The following PITPNC1 variants were observed in gnomAD, a reference collection of about 807,000 sequenced individuals.
The protein encoded by PITPNC1 is phosphatidylinositol transfer protein cytoplasmic 1, also known as cytoplasmic phosphatidylinositol transfer protein 1.
PITPNC1 carries 18 observed loss-of-function variants against 44.7 expected under a neutral mutation model. The observed-to-expected ratio is 0.40, with a 90% CI of 0.28 to 0.60. The LOEUF (loss-of-function observed/expected upper bound fraction) is 0.60, where lower values mean the gene tolerates loss of function less well. Ranked by LOEUF, PITPNC1 falls within the 20% of genes least tolerant of loss-of-function variation. The pLI, the probability that PITPNC1 is intolerant of heterozygous loss-of-function variation, is 0.39. For missense variants in PITPNC1, 290 were observed against 418.4 expected (o/e 0.69, Z 2.68); for synonymous variants, 141 against 149.6 (o/e 0.94, Z 0.42).
rs184212141 is a variant in PITPNC1 at position 67,396,854 on chromosome 17, T to C, written c.48+18652T>C. ...AAAAAGTTTAGAGACAGGGTCTTGC[T>C]ATGTTGCCCAGGCTGTTTTTCAACT... On this transcript the variant is annotated intron_variant, in intron 1 of 8. Transcript: ENST00000581322. Among the ~76,000 whole-genome samples, 3 of 151,854 alleles carry C rather than the reference T, an allele frequency of 2.0e-5. No individual in the cohort carries two copies. The East Asian group carries it at 5.8e-4, about 30-fold the overall frequency.
chr17:67,624,370 C>G (rs555456918), intron 5 of PITPNC1, among the ~76,000 whole-genome samples: 1 of 152,116 alleles, frequency 6.6e-6, no homozygotes, highest in Non-Finnish European at 1.5e-5. Context: ...TGCCACCACA[C>G]CCAGCTCATT....
chr17:67,666,240 C>T (rs1041674604), intron 6 of PITPNC1, among the ~76,000 whole-genome samples: 1 of 152,238 alleles, frequency 6.6e-6, no homozygotes, highest in African/African-American at 2.4e-5. Flanking sequence ...AAGCAATCCT[C>T]CTGCCTTGGC....
chr17:67,436,868 C>G (rs2038943628), intron 1 of PITPNC1, among the ~76,000 whole-genome samples: 1 of 148,940 alleles, frequency 6.7e-6, no homozygotes, highest in African/African-American at 2.5e-5. Context: ...TCTGTGTCTG[C>G]CTGGAACCTC....
chr17:67,474,821 CT>C (rs1195307116), intron 1 of PITPNC1, among the ~76,000 whole-genome samples: 26 of 149,464 alleles, frequency 1.7e-4, no homozygotes, highest in Admixed American at 2.7e-4. Flanking sequence ...TGCCCGGCGG[CT>C]TTTTTTTTTT....
intron 1 of PITPNC1, among the ~76,000 whole-genome samples, chr17:67,514,734 G>C (rs1415331995): frequency 6.6e-6 from 1 of 152,048 alleles, no homozygotes; most frequent in East Asian, 1.9e-4. Context: ...GCTGAGGCAC[G>C]AGAATCGCTT....
At chr17:67,537,998 G>A (rs192922701) in intron 2 of PITPNC1, among the ~76,000 whole-genome samples, 1 of 151,590 alleles carries the variant, frequency 6.6e-6, no homozygotes, top group East Asian at 1.9e-4. Context: ...AAGAACTGGA[G>A]GAGATATTTG....
rs1446918696 is a variant in PITPNC1, at chr17:67,696,793, T to C, written c.*3905T>C. ...TTAGTGTAATAAGAGAATGTGAATA[T>C]GTTGGGAAATTTTCAGATGCCATTA... On this transcript the variant is annotated 3_prime_UTR_variant, in exon 9 of 9. Coordinates refer to ENST00000581322, the MANE Select transcript of PITPNC1 (RefSeq NM_012417.4). 1.3e-5 allele frequency: 2 copies of C among 152,232 alleles called. No individual in the cohort carries two copies. Among genetic ancestry groups the C allele is most frequent in the Admixed American group, 6.5e-5 (1 of 15,284 alleles). 9.4% of individuals were successfully genotyped at this position (152,232 alleles called of 1,614,324 possible). A position where few individuals can be genotyped will look rare whatever the true frequency, so the allele number is the denominator to read the frequency against.
chr17:67,504,499 G>A (rs945795388), intron 1 of PITPNC1, among the ~76,000 whole-genome samples: 1 of 152,196 alleles, frequency 6.6e-6, no homozygotes, highest in South Asian at 2.1e-4. Context: ...CTTCTGCTGT[G>A]AAAAGGTACA....
intron 1 of PITPNC1, among the ~76,000 whole-genome samples, chr17:67,419,651 A>G (rs2038640972): frequency 6.6e-6 from 1 of 152,224 alleles, no homozygotes; most frequent in African/African-American, 2.4e-5. Flanking sequence ...CAAGCGTATG[A>G]TCCCAGCACT....
chr17:67,552,415 A>T, intron 3 of PITPNC1, 70 bp downstream of exon 3: 2 of 861,452 alleles, frequency 2.3e-6, no homozygotes, highest in South Asian at 2.6e-5. Context: ...AATTTCACTG[A>T]TTTACAGTGG....
At chr17:67,566,504 G>A (rs527356704) in intron 4 of PITPNC1, among the ~76,000 whole-genome samples, 47 of 152,154 alleles carry the variant, frequency 3.1e-4, no homozygotes, top group African/African-American at 1.1e-3. Context: ...CACAGGGCCT[G>A]GACCTGTTTT....
intron 6 of PITPNC1, 168 bp downstream of exon 6, chr17:67,632,406 C>G (rs1414132137): frequency 3.3e-6 from 2 of 606,246 alleles, no homozygotes; most frequent in Non-Finnish European, 5.9e-6. Context: ...AAGTCTCTAA[C>G]TCTTCAGGGA....
intron 1 of PITPNC1, among the ~76,000 whole-genome samples, chr17:67,378,692 G>A (rs2037909779): frequency 6.6e-6 from 1 of 152,180 alleles, no homozygotes; most frequent in Non-Finnish European, 1.5e-5. Flanking sequence ...TGAGCCCTTA[G>A]GGGAGGTCCC....
intron 1 of PITPNC1, among the ~76,000 whole-genome samples, chr17:67,407,151 T>A (rs991197799): frequency 6.6e-6 from 1 of 152,182 alleles, no homozygotes; most frequent in East Asian, 1.9e-4. Flanking sequence ...GGTTCCAATT[T>A]CTCTACATCC....
intron 5 of PITPNC1, among the ~76,000 whole-genome samples, chr17:67,611,106 A>G (rs2706696): frequency 0.3 from 45,200 of 152,052 alleles, 7,245 homozygotes; most frequent in African/African-American, 0.41. Flanking sequence ...GTTCAACAAC[A>G]GCAAAAAATA....
At chr17:67,445,793 C>T (rs73338142) in intron 1 of PITPNC1, among the ~76,000 whole-genome samples, 14,984 of 151,994 alleles carry the variant, frequency 0.099, 1,279 homozygotes, top group African/African-American at 0.22. Flanking sequence ...AGAGAATTAG[C>T]GGCAATCTCA....
Position 67,645,151 on chromosome 17 carries a change from A to G in PITPNC1, c.462+12913A>G, listed in dbSNP as rs151317981. 6.1e-3 allele frequency among the ~76,000 whole-genome samples: 933 copies of G among 151,954 alleles called. 8 individuals are homozygous for G. Among genetic ancestry groups the G allele is most frequent in the African/African-American group, 0.022 (892 of 41,440 alleles). Reference sequence around the variant, plus strand: ...AGGTCGGGAGTTTGAGACCAGCCTGACCAACACGGAGAAACCGCATCTCTA... The same window carrying G: ...AGGTCGGGAGTTTGAGACCAGCCTGGCCAACACGGAGAAACCGCATCTCTA... On this transcript the variant is annotated intron_variant, in intron 6 of 8. Transcript: ENST00000581322.
chr17:67,426,149 C>T (rs1418332080), intron 1 of PITPNC1, among the ~76,000 whole-genome samples: 2 of 152,242 alleles, frequency 1.3e-5, no homozygotes, highest in African/African-American at 4.8e-5. Context: ...AATGCTTTTA[C>T]ACTGTTGGTG....
chr17:67,421,374 C>T (rs2038671098), intron 1 of PITPNC1, among the ~76,000 whole-genome samples: 1 of 152,072 alleles, frequency 6.6e-6, no homozygotes, highest in African/African-American at 2.4e-5. Flanking sequence ...CCTCTGCCTC[C>T]TGGGTTCAAG....
Sources: gnomAD v4.1 joint callset for allele counts (sites outside exome capture counted in the v4.1 genomes callset) on GRCh38, gnomAD v4.1.1 for gene constraint, MANE v1.5 for transcripts, NCBI Gene and HGNC (gene_info 2026-07-23, HGNC 2026-07-21) for gene names.